KIRREL3: variants seen among roughly 807,000 people sequenced by gnomAD.
KIRREL3 encodes kin of IRRE-like protein 3.
A neutral mutation model predicts 89.7 loss-of-function variants in KIRREL3; 36 were observed. The ratio of observed to expected loss-of-function variants is 0.40; its 90% CI spans 0.31 to 0.53. The LOEUF is 0.53. KIRREL3 is among the 20% of genes least tolerant of loss of function. KIRREL3 has a pLI of 0.49. For missense variants in KIRREL3, 864 were observed against 1,056.6 expected (o/e 0.82, Z 2.53); for synonymous variants, 445 against 441.4 (o/e 1.01, Z -0.10).
At chr11:126,846,095 C>G (rs996870613) in intron 1 of KIRREL3, among the ~76,000 whole-genome samples, 10 of 152,300 alleles carry the variant, frequency 6.6e-5, no homozygotes, top group Admixed American at 5.2e-4. Context: ...TCAGAAATTA[C>G]TTTGCATTAT....
At chr11:126,902,278 C>T (rs915456586) in intron 1 of KIRREL3, among the ~76,000 whole-genome samples, 4 of 152,168 alleles carry the variant, frequency 2.6e-5, no homozygotes, top group Non-Finnish European at 5.9e-5. Context: ...CAAAAGAAAT[C>T]CAGTTCCTGG....
Position 126,564,629 on chromosome 11 carries a change from T to C in KIRREL3, c.56-1717A>G, listed in dbSNP as rs1008430571. Among the ~76,000 whole-genome samples, 2 of 152,252 alleles carry C rather than the reference T, an allele frequency of 1.3e-5. No individual in the cohort carries two copies. The highest frequency in any genetic ancestry group is 6.5e-5 in the Admixed American group (1 of 15,292). ...ACATCTCAGGCACCCAAATTGACGA[T>C]GTTAAGTTCCCTCATTCAAGGCCTT... On this transcript the variant is annotated intron_variant, in intron 1 of 16. Coordinates refer to ENST00000525144, the MANE Select transcript of KIRREL3 (RefSeq NM_032531.4). This position sits in a 1 kb window ranked among gnomAD's most constrained non-coding sequence, Gnocchi z 7.4.
At chr11:126,506,765 T>A (rs1958029070) in intron 4 of KIRREL3, among the ~76,000 whole-genome samples, 1 of 149,522 alleles carries the variant, frequency 6.7e-6, no homozygotes, top group Non-Finnish European at 1.5e-5. Context: ...TTTGTGAATG[T>A]TCATAGCAAC....
rs540475237 is a variant in KIRREL3, at chr11:126,679,065, T to G, written c.56-116153A>C. ...AGAGATGCTTTGCTTTTTGACAAAA[T>G]GGCAAGTCACATTATGAGAACTTGC... On this transcript the variant is annotated intron_variant, in intron 1 of 16. Coordinates refer to ENST00000525144, the MANE Select transcript of KIRREL3 (RefSeq NM_032531.4). Among the ~76,000 whole-genome samples the G allele has an allele frequency of 2.6e-4, 39 of 152,322 alleles. 1 individual carries two copies. Among genetic ancestry groups the G allele is most frequent in the African/African-American group, 8.2e-4 (34 of 41,570 alleles).
chr11:126,834,956 TA>T (rs1365609840), intron 1 of KIRREL3, among the ~76,000 whole-genome samples: 5 of 152,216 alleles, frequency 3.3e-5, no homozygotes, highest in South Asian at 2.1e-4. Flanking sequence ...CAAACAGATA[TA>T]GGGGGAAACA....
Position 126,764,613 on chromosome 11 carries a change from C to T in KIRREL3, c.56-201701G>A, listed in dbSNP as rs1389012143. Among the ~76,000 whole-genome samples the T allele has an allele frequency of 2.0e-5, 3 of 152,218 alleles. No homozygotes were observed. The highest frequency in any genetic ancestry group is 4.4e-5 in the Non-Finnish European group (3 of 68,052). On this transcript the variant is annotated intron_variant, in intron 1 of 16. Transcript: ENST00000525144. This position sits in a 1 kb window ranked among gnomAD's most constrained non-coding sequence, Gnocchi z 4.2. ...TCTCAATCCCCAAAACAATTCCCTGCTCATTCTATGAGTTACAGTTTAGTT... is the reference window on the plus strand; with the variant it reads ...TCTCAATCCCCAAAACAATTCCCTGTTCATTCTATGAGTTACAGTTTAGTT...
chr11:126,469,626 G>A (rs1198892398), intron 5 of KIRREL3, among the ~76,000 whole-genome samples: 2 of 152,344 alleles, frequency 1.3e-5, no homozygotes, highest in East Asian at 1.9e-4. Flanking sequence ...CCACTGACGT[G>A]TGCGGGCTCT....
chr11:126,836,024 C>T (rs753723430), intron 1 of KIRREL3, among the ~76,000 whole-genome samples: 1 of 152,212 alleles, frequency 6.6e-6, no homozygotes, highest in African/African-American at 2.4e-5. Flanking sequence ...AGGAAAGTAA[C>T]ATGTCCTGAC....
chr11:126,770,918 C>T (rs1788061987), intron 1 of KIRREL3, among the ~76,000 whole-genome samples: 1 of 152,190 alleles, frequency 6.6e-6, no homozygotes, highest in Admixed American at 6.5e-5. Flanking sequence ...TCACTGCAAA[C>T]TCCACCTCCC....
At position 126,821,329 on chromosome 11, in the gene KIRREL3, GTATA is replaced by G. The variant is rs6144553; in HGVS notation, c.55+179122_55+179125del. On this transcript the variant is annotated intron_variant, in intron 1 of 16. Coordinates refer to ENST00000525144, the MANE Select transcript of KIRREL3 (RefSeq NM_032531.4). ...TTTCATGGGTCAACGGATAAACACA[GTATA>G]TATATATATATATATATATGTAACT... Among the ~76,000 whole-genome samples the G allele has an allele frequency of 1.1e-3, 112 of 103,518 alleles. 11 individuals carry two copies. The highest frequency in any genetic ancestry group is 3.8e-3 in the African/African-American group (76 of 19,994). The allele number at this position is 103,518 out of a possible 152,430, so 67.9% of individuals were successfully genotyped here.
At position 126,905,946 on chromosome 11, in the gene KIRREL3, C is replaced by T. The variant is rs1946566437; in HGVS notation, c.55+94509G>A. On this transcript the variant is annotated intron_variant, in intron 1 of 16. Transcript: ENST00000525144. This position sits in a 1 kb window ranked among gnomAD's most constrained non-coding sequence, Gnocchi z 5.0. ...AGATGAAACAGGCTGACAGGCAGAG[C>T]CATTCTGTTTGGGGTTTGTCTACAA... is the stretch of plus-strand genomic sequence containing the variant. 6.6e-6 allele frequency among the ~76,000 whole-genome samples: 1 copy of T among 152,158 alleles called. No homozygotes were observed.
chr11:126,986,072 C>T (rs1949858546), intron 1 of KIRREL3, among the ~76,000 whole-genome samples: 1 of 152,262 alleles, frequency 6.6e-6, no homozygotes, highest in Non-Finnish European at 1.5e-5. Context: ...CACTACAGTA[C>T]TCAGCCACCT....
intron 4 of KIRREL3, among the ~76,000 whole-genome samples, chr11:126,514,183 C>T (rs949273100): frequency 6.6e-6 from 1 of 152,092 alleles, no homozygotes. Flanking sequence ...CATGTGGAAC[C>T]TCAGGAGATA....
At position 126,900,233 on chromosome 11, in the gene KIRREL3, A is replaced by G. The variant is rs993527294; in HGVS notation, c.55+100222T>C. ...CCTACTACTAGAACATCGGCCCTTC[A>G]GTTTTGGATCACTTGAATTATTCAA... is the stretch of plus-strand genomic sequence containing the variant. On this transcript the variant is annotated intron_variant, in intron 1 of 16. Transcript: ENST00000525144. The surrounding 1 kb of genome is among the most constrained non-coding windows in gnomAD (Gnocchi z 4.4). Among the ~76,000 whole-genome samples, 2 of 152,174 alleles carry G rather than the reference A, an allele frequency of 1.3e-5. No individual in the cohort carries two copies. The highest frequency in any genetic ancestry group is 4.8e-5 in the African/African-American group (2 of 41,440).
rs114965129 is a variant in KIRREL3, at chr11:126,534,370, C to A, written c.134-7683G>T. Among the ~76,000 whole-genome samples the A allele has an allele frequency of 5.4e-3, 829 of 152,338 alleles. 11 individuals are homozygous for A. The highest frequency in any genetic ancestry group is 0.016 in the African/African-American group (684 of 41,568). On this transcript the variant is annotated intron_variant, in intron 2 of 16. Transcript: ENST00000525144. ...TAGAAAAAGGCTGCGTGTGCATGAA[C>A]CTGCCTGGGCATGGCAGAGGAGCAG...
chr11:126,857,465 T>C (rs1378265188), intron 1 of KIRREL3, among the ~76,000 whole-genome samples: 1 of 152,162 alleles, frequency 6.6e-6, no homozygotes, highest in African/African-American at 2.4e-5. Context: ...CCCAGCAGGA[T>C]CAAGCTGAGA....
chr11:126,790,779 T>C (rs1329273191), intron 1 of KIRREL3, among the ~76,000 whole-genome samples: 2 of 152,042 alleles, frequency 1.3e-5, no homozygotes, highest in Non-Finnish European at 2.9e-5. Flanking sequence ...CTCGGCTCTG[T>C]GGAGCAGCCA....
At position 126,715,247 on chromosome 11, in the gene KIRREL3, C is replaced by T. The variant is rs1174282109; in HGVS notation, c.56-152335G>A. Among the ~76,000 whole-genome samples the T allele has an allele frequency of 6.6e-6, 1 of 152,182 alleles. No individual in the cohort carries two copies. The highest frequency in any genetic ancestry group is 1.9e-4 in the East Asian group (1 of 5,198). Reference sequence around the variant, plus strand: ...CAGTCTTGAGCTACTCAGGCTATCCCCATCTATTTTGTGGGGGAAGAAAAC... The same window carrying T: ...CAGTCTTGAGCTACTCAGGCTATCCTCATCTATTTTGTGGGGGAAGAAAAC... On this transcript the variant is annotated intron_variant, in intron 1 of 16. Coordinates refer to ENST00000525144, the MANE Select transcript of KIRREL3 (RefSeq NM_032531.4). This position sits in a 1 kb window ranked among gnomAD's most constrained non-coding sequence, Gnocchi z 4.4.
intron 1 of KIRREL3, chr11:126,992,551 T>C (rs1266867595): frequency 1.3e-5 from 2 of 152,222 alleles, no homozygotes; most frequent in East Asian, 3.9e-4. Context: ...CTGATGATAT[T>C]CTCTACTCTT....
Sources: allele counts gnomAD v4.1 joint callset (sites outside exome capture counted in the v4.1 genomes callset), GRCh38; gene constraint gnomAD v4.1.1; non-coding constraint Gnocchi (gnomAD v3.1); transcripts MANE v1.5; gene names NCBI Gene and HGNC (gene_info 2026-07-23, HGNC 2026-07-21).